MAP1A: variants seen among roughly 807,000 people sequenced by gnomAD.
MAP1A encodes microtubule associated protein 1A.
Under a neutral mutation model 185.9 loss-of-function variants are expected in MAP1A, and 42 were observed. The observed-to-expected ratio is 0.23, with a 90% CI of 0.18 to 0.29. The LOEUF (loss-of-function observed/expected upper bound fraction) is 0.29. Ranked by LOEUF, MAP1A falls within the 10% of genes least tolerant of loss-of-function variation. The pLI is 1.00. For missense variants in MAP1A, 2,995 were observed against 3,450.4 expected, an observed-to-expected ratio of 0.87 and a Z score of 3.31; for synonymous variants, 1,229 against 1,335.9, an observed-to-expected ratio of 0.92 and a Z score of 1.74.
At position 43,525,056 on chromosome 15, in the gene MAP1A, C is replaced by T; in HGVS notation, c.3583C>T (p.Gln1195Ter). The stretch of plus-strand genomic sequence containing the variant: ...GCCAGAGGTATCTCCAGAAGACACC[C>T]AGTCACTTTCTCTGTCAGAAGAGAG... ...RWPEVSPEDTQSLSLSEESPS... is the reference protein window; with the variant it reads ...RWPEVSPEDT The change falls in exon 4 of 6, where the codon CAG (glutamine) becomes TAG (stop). Residue 1195 changes from glutamine (Q) to a stop codon, truncating the protein, a stop_gained. Transcript: ENST00000300231. LOFTEE classifies it high-confidence loss of function. 1 of 1,614,202 alleles carries T rather than the reference C, an allele frequency of 6.2e-7. No homozygotes were observed. Among genetic ancestry groups the T allele is most frequent in the Non-Finnish European group, 8.5e-7 (1 of 1,180,036 alleles).
chr15:43,530,420 A>T lies in MAP1A; in HGVS notation c.*196A>T, dbSNP rs1446072569. 4.7e-6 allele frequency: 3 copies of T among 637,114 alleles called. No homozygotes were observed. The highest frequency in any genetic ancestry group is 8.0e-6 in the Non-Finnish European group (3 of 374,146). The allele number at this position is 637,114 out of a possible 1,614,324, so 39.5% of individuals were successfully genotyped here. A position where few individuals can be genotyped will look rare whatever the true frequency, so the allele number is the denominator to read the frequency against. On this transcript the variant is annotated 3_prime_UTR_variant, in exon 6 of 6. Transcript: ENST00000300231. ...CCATTCCTGTGAGGTGTCTCAAACC[A>T]AAGTTAACAGGGAGAGGATGGGGGA...
At chr15:43,519,856 G>A (rs761671668) in intron 1 of MAP1A, among the ~76,000 whole-genome samples, 11 of 152,190 alleles carry the variant, frequency 7.2e-5, no homozygotes, top group Non-Finnish European at 1.5e-4. Context: ...GATGAGAGAA[G>A]AAACTGTTCA....
Position 43,528,650 on chromosome 15 carries a change from T to C in MAP1A, c.7177T>C (p.Trp2393Arg). The change falls in exon 4 of 6, where the codon TGG (tryptophan) becomes CGG (arginine). Residue 2393 changes from tryptophan to arginine, a missense_variant. Transcript: ENST00000300231. ...TTGCCCTGCCTGGGAACGTGGGGCC[T>C]GGCCTGAAGGAGCTGAGAGGAGCTC... The part of the protein sequence containing the change: ...AACPAWERGA[W>R]PEGAERSSRP... 1.9e-6 allele frequency: 3 copies of C among 1,613,314 alleles called. No individual in the cohort carries two copies. Among genetic ancestry groups the C allele is most frequent in the Non-Finnish European group, 2.5e-6 (3 of 1,179,844 alleles).
chr15:43,516,211 G>A (rs2079296707), upstream of MAP1A, among the ~76,000 whole-genome samples: 2 of 152,086 alleles, frequency 1.3e-5, no homozygotes, highest in South Asian at 2.1e-4. Context: ...GCAGATGGCC[G>A]CTTCTACCCA....
In MAP1A at chr15:43,527,179, C is replaced by G; in HGVS notation, c.5706C>G (p.Tyr1902Ter). The G allele has an allele frequency of 6.2e-7, 1 of 1,613,886 alleles. No individual in the cohort carries two copies. Among genetic ancestry groups the G allele is most frequent in the Non-Finnish European group, 8.5e-7 (1 of 1,179,952 alleles). The change falls in exon 4 of 6, where the codon TAC becomes TAG. Residue 1902 changes from tyrosine to a stop codon, truncating the protein, a stop_gained. Transcript: ENST00000300231. LOFTEE classifies it high-confidence loss of function. Reference protein sequence around the residue: ...EGAAELEGGPYSPLGKDYRKA... With the variant: ...EGAAELEGGP Reference sequence around the variant, plus strand: ...CAGCTGAGTTGGAAGGTGGGCCATACTCCCCCCTGGGGAAGGACTACCGCA... The same window carrying G: ...CAGCTGAGTTGGAAGGTGGGCCATAGTCCCCCCTGGGGAAGGACTACCGCA...
intron 1 of MAP1A, among the ~76,000 whole-genome samples, chr15:43,518,717 CGCAA>C (rs2079308508): frequency 7.7e-4 from 109 of 140,834 alleles, no homozygotes; most frequent in African/African-American, 2.3e-3. Flanking sequence ...CACCCCCCCC[CGCAA>C]CTCCAGCACT....
At position 43,527,972 on chromosome 15, in the gene MAP1A, G is replaced by T. The variant is rs778561241; in HGVS notation, c.6499G>T (p.Ala2167Ser). Residue 2167 changes from alanine (A) to serine (S), a missense_variant, in exon 4 of 6, where the codon GCC becomes TCC. Transcript: ENST00000300231. ...ACCCAGTCTGGACTTCCCTGCTTCA[G>T]CCTTTGGCTTCTCCTCATTGCAGCC... Reference protein sequence around the residue: ...ARPSLDFPASAFGFSSLQPAP... With the variant: ...ARPSLDFPASSFGFSSLQPAP... 6.2e-7 allele frequency: 1 copy of T among 1,614,012 alleles called. No homozygotes were observed. The highest frequency in any genetic ancestry group is 2.2e-5 in the East Asian group (1 of 44,878).
chr15:43,524,457 C>T lies in MAP1A; in HGVS notation c.2984C>T (p.Ala995Val). 1 of 1,614,162 alleles carries T rather than the reference C, an allele frequency of 6.2e-7. No homozygotes were observed. Among genetic ancestry groups the T allele is most frequent in the Non-Finnish European group, 8.5e-7 (1 of 1,180,024 alleles). The change falls in exon 4 of 6, where the codon GCT becomes GTT. Residue 995 changes from alanine (A) to valine (V), a missense_variant. Ala to Val is a moderately conservative substitution (Grantham distance 64, BLOSUM62 0). Transcript: ENST00000300231. ...CCAGATGACAGCACAGTGAAGATGGCTTCTCCTCCACCATCTGGCCCACCC... is the reference window on the plus strand; with the variant it reads ...CCAGATGACAGCACAGTGAAGATGGTTTCTCCTCCACCATCTGGCCCACCC... ...LSPDDSTVKM[A>V]SPPPSGPPSA...
chr15:43,511,554 G>A (rs776242442), intron 1 of MAP1A, among the ~76,000 whole-genome samples: 11 of 152,182 alleles, frequency 7.2e-5, no homozygotes, highest in Non-Finnish European at 8.8e-5. Context: ...ACCATCCCTG[G>A]AGAATCCACG....
Position 43,526,749 on chromosome 15 carries a change from A to G in MAP1A, c.5276A>G (p.Gln1759Arg). 6.2e-7 allele frequency: 1 copy of G among 1,614,184 alleles called. No homozygotes were observed. Among genetic ancestry groups the G allele is most frequent in the Non-Finnish European group, 8.5e-7 (1 of 1,180,024 alleles). ...SPWASDFKDF[Q>R]ESSPQKGLEV... ...TGGGCCTCAGACTTCAAGGATTTCC[A>G]GGAATCCTCACCACAGAAGGGGCTA... is the stretch of plus-strand genomic sequence containing the variant. The change falls in exon 4 of 6, where the codon CAG becomes CGG. Residue 1759 changes from glutamine to arginine, a missense_variant. Gln to Arg is a conservative substitution (Grantham distance 43). This residue lies in a region of MAP1A where 2,728 missense variants were observed against 2,986.0 expected (regional missense o/e 0.91). Coordinates refer to ENST00000300231, the MANE Select transcript of MAP1A (RefSeq NM_002373.6). This position sits in a 1 kb window ranked among gnomAD's most constrained non-coding sequence, Gnocchi z 4.7.
At chr15:43,511,802 A>G (rs1214243575) in intron 1 of MAP1A, among the ~76,000 whole-genome samples, 1 of 152,206 alleles carries the variant, frequency 6.6e-6, no homozygotes, top group Non-Finnish European at 1.5e-5. Context: ...AAGGAAGGGA[A>G]CACAGAAGGC....
In MAP1A at chr15:43,525,318, A is replaced by T; in HGVS notation, c.3845A>T (p.Asp1282Val). The T allele has an allele frequency of 6.2e-7, 1 of 1,614,166 alleles. No individual in the cohort carries two copies. Among genetic ancestry groups the T allele is most frequent in the Middle Eastern group, 1.6e-4 (1 of 6,062 alleles). ...RYSAQTDITD[D>V]SLDRKSPASS... The stretch of plus-strand genomic sequence containing the variant: ...TCTGCACAGACAGACATCACAGATG[A>T]CAGCCTTGACAGGAAGTCACCTGCC... Residue 1282 changes from aspartate to valine, a missense_variant, in exon 4 of 6, where the codon GAC (aspartate) becomes GTC (valine). Coordinates refer to ENST00000300231, the MANE Select transcript of MAP1A (RefSeq NM_002373.6).
In MAP1A at chr15:43,529,588, G is replaced by A; in HGVS notation, c.8036-62G>A. The A allele has an allele frequency of 6.2e-7, 1 of 1,606,572 alleles. No individual in the cohort carries two copies. The highest frequency in any genetic ancestry group is 2.2e-5 in the East Asian group (1 of 44,818). ...GGTCAGACTTCAGGAGTGGGACAGAGGGGAAGGTTGCCAAAAGGGTTCTAC... is the reference window on the plus strand; with the variant it reads ...GGTCAGACTTCAGGAGTGGGACAGAAGGGAAGGTTGCCAAAAGGGTTCTAC... On this transcript the variant is annotated intron_variant, in intron 4 of 5. Coordinates refer to ENST00000300231, the MANE Select transcript of MAP1A (RefSeq NM_002373.6). This position sits in a 1 kb window ranked among gnomAD's most constrained non-coding sequence, Gnocchi z 4.3.
Position 43,524,291 on chromosome 15 carries a change from G to C in MAP1A, c.2818G>C (p.Glu940Gln). 1 of 1,614,244 alleles carries C rather than the reference G, an allele frequency of 6.2e-7. No homozygotes were observed. The highest frequency in any genetic ancestry group is 1.1e-5 in the South Asian group (1 of 91,090). Residue 940 changes from glutamate to glutamine, a missense_variant, in exon 4 of 6, where the codon GAG becomes CAG. Glu to Gln is a conservative substitution (Grantham distance 29, BLOSUM62 2). This residue lies in a region of MAP1A where 2,728 missense variants were observed against 2,986.0 expected (regional missense o/e 0.91). Coordinates refer to ENST00000300231, the MANE Select transcript of MAP1A (RefSeq NM_002373.6). The part of the protein sequence containing the change: ...KGLSGERAVE[E>Q]EEEETANVEM... ...CTTGTCTGGAGAGAGAGCTGTGGAAGAGGAAGAGGAGGAGACAGCAAACGT... is the reference window on the plus strand; with the variant it reads ...CTTGTCTGGAGAGAGAGCTGTGGAACAGGAAGAGGAGGAGACAGCAAACGT...
intron 1 of MAP1A, among the ~76,000 whole-genome samples, chr15:43,518,708 A>ACCT (rs2079307909): frequency 1.2e-5 from 1 of 83,632 alleles, no homozygotes; most frequent in African/African-American, 4.6e-5. Flanking sequence ...ACCGCAGCCC[A>ACCT]CCCCCCCCCG....
In MAP1A at chr15:43,520,730, C is replaced by T; in HGVS notation, c.-292+7C>T. The T allele has an allele frequency of 1.3e-6, 2 of 1,544,894 alleles. No individual in the cohort carries two copies. Among genetic ancestry groups the T allele is most frequent in the Non-Finnish European group, 1.8e-6 (2 of 1,141,832 alleles). ...AGACAGCATCAGCTCTGAGGTAAGG[C>T]CAGGGCCTGTGCCTTGCCAAACAGG... is the stretch of plus-strand genomic sequence containing the variant. On this transcript the variant is annotated splice_region_variant and intron_variant, in intron 2 of 5. Coordinates refer to ENST00000300231, the MANE Select transcript of MAP1A (RefSeq NM_002373.6).
At position 43,527,214 on chromosome 15, in the gene MAP1A, G is replaced by C. The variant is rs551498518; in HGVS notation, c.5741G>C (p.Gly1914Ala). Residue 1914 changes from glycine to alanine, a missense_variant, in exon 4 of 6, where the codon GGG (glycine) becomes GCG (alanine). Gly to Ala is a moderately conservative substitution (Grantham distance 60). Transcript: ENST00000300231. ...PLGKDYRKAEGEREEEGRAEA... is the reference protein window; with the variant it reads ...PLGKDYRKAEAEREEEGRAEA... ...GGGAAGGACTACCGCAAGGCTGAAG[G>C]GGAAAGGGAAGAAGAAGGTAGGGCT... 4.3e-6 allele frequency: 7 copies of C among 1,614,120 alleles called. No homozygotes were observed. The East Asian group carries it at 1.6e-4, about 36-fold the overall frequency.
exon 1 of MAP1A, chr15:43,511,074 C>T: frequency 1.3e-6 from 2 of 1,549,836 alleles, no homozygotes; most frequent in East Asian, 2.4e-5. Flanking sequence ...CCCGGCGCAC[C>T]GCTGGCTCAG....
exon 1 of MAP1A, chr15:43,511,011 C>T: frequency 6.5e-7 from 1 of 1,545,846 alleles, no homozygotes; most frequent in Non-Finnish European, 8.7e-7. Context: ...GCCGAGCCTG[C>T]GCGGCCTCAC....
Sources: gnomAD v4.1 joint callset for allele counts (sites outside exome capture counted in the v4.1 genomes callset) on GRCh38, gnomAD v4.1.1 for gene constraint, gnomAD v4.1.1 regional missense constraint, Gnocchi (gnomAD v3.1) non-coding constraint, MANE v1.5 for transcripts, NCBI Gene and HGNC (gene_info 2026-07-23, HGNC 2026-07-21) for gene names.